KCNH8: variants seen among roughly 807,000 people sequenced by gnomAD.
The protein encoded by KCNH8 is voltage-gated delayed rectifier potassium channel KCNH8.
In KCNH8, 70 loss-of-function variants were observed where a neutral mutation model predicts 103.6. That is an observed-to-expected ratio of 0.68 (90% CI 0.56 to 0.82). KCNH8 has a LOEUF of 0.82. Ranked by LOEUF, KCNH8 falls within the 40% of genes least tolerant of loss-of-function variation. The pLI, the probability that KCNH8 is intolerant of heterozygous loss-of-function variation, is 0.00. For synonymous variants in KCNH8, 498 were observed against 489.4 expected (o/e 1.02, Z -0.23); for missense variants, 1,217 against 1,329.9 (o/e 0.92, Z 1.32).
At chr3:19,279,568 TAAAAA>T (rs55996488) in intron 2 of KCNH8, among the ~76,000 whole-genome samples, 1 of 142,504 alleles carries the variant, frequency 7.0e-6, no homozygotes. Context: ...GCCATAGGGC[TAAAAA>T]AAAAAAAAAA....
intron 3 of KCNH8, among the ~76,000 whole-genome samples, chr3:19,305,577 A>G (rs1278923697): frequency 6.6e-6 from 1 of 152,112 alleles, no homozygotes; most frequent in East Asian, 1.9e-4. Context: ...GATGTATCAA[A>G]ACCTATTGAG....
At chr3:19,498,249 CATTT>C (rs2068488359) in intron 11 of KCNH8, among the ~76,000 whole-genome samples, 1 of 152,148 alleles carries the variant, frequency 6.6e-6, no homozygotes, top group Admixed American at 6.5e-5. Flanking sequence ...TCCAAGTTAA[CATTT>C]ATATGTGTGG....
At position 19,529,041 on chromosome 3, in the gene KCNH8, G is replaced by T. The variant is rs368594970; in HGVS notation, c.2620-4354G>T. On this transcript the variant is annotated intron_variant, in intron 15 of 15. Coordinates refer to ENST00000328405, the MANE Select transcript of KCNH8 (RefSeq NM_144633.3). ...AGAGAAGGGCAGAGGAGAAGAGCCC[G>T]CAGTCAGAAGGAATAGCATGCACCA... is the stretch of plus-strand genomic sequence containing the variant. 1.5e-4 allele frequency among the ~76,000 whole-genome samples: 23 copies of T among 152,220 alleles called. No individual in the cohort carries two copies. In the East Asian group the frequency reaches 3.7e-3, roughly 24 times the overall value.
chr3:19,424,299 TA>T (rs2066993717), intron 7 of KCNH8, among the ~76,000 whole-genome samples: 1 of 151,796 alleles, frequency 6.6e-6, no homozygotes, highest in Non-Finnish European at 1.5e-5. Flanking sequence ...ATCCCAGAAA[TA>T]AACCCAAATA....
chr3:19,239,309 C>T (rs940426300), intron 1 of KCNH8, among the ~76,000 whole-genome samples: 4 of 152,124 alleles, frequency 2.6e-5, no homozygotes, highest in Non-Finnish European at 5.9e-5. Context: ...CTAGTACAGT[C>T]CTGGACACCA....
chr3:19,475,225 G>C (rs552434043), intron 11 of KCNH8, among the ~76,000 whole-genome samples: 2 of 152,186 alleles, frequency 1.3e-5, no homozygotes, highest in Admixed American at 6.5e-5. Flanking sequence ...TTAAGGGAGA[G>C]AAAAGCTTGT....
chr3:19,411,325 AC>A (rs2066775530), intron 7 of KCNH8, among the ~76,000 whole-genome samples: 1 of 152,146 alleles, frequency 6.6e-6, no homozygotes, highest in African/African-American at 2.4e-5. Flanking sequence ...TCCTTTTGTT[AC>A]AAAAACTCTG....
chr3:19,471,630 G>A (rs1180608501), intron 11 of KCNH8, among the ~76,000 whole-genome samples: 2 of 152,180 alleles, frequency 1.3e-5, no homozygotes, highest in Non-Finnish European at 2.9e-5. Context: ...AGTTGTATAA[G>A]TTTATGCTCT....
intron 1 of KCNH8, among the ~76,000 whole-genome samples, chr3:19,181,014 A>G (rs540173103): frequency 6.6e-6 from 1 of 152,164 alleles, no homozygotes; most frequent in African/African-American, 2.4e-5. Flanking sequence ...AGATGGCCTG[A>G]ATATTATCAT....
At chr3:19,197,121 A>T (rs1575429024) in intron 1 of KCNH8, among the ~76,000 whole-genome samples, 1 of 152,020 alleles carries the variant, frequency 6.6e-6, no homozygotes, top group African/African-American at 2.4e-5. Context: ...CTACTGAAAG[A>T]TTATTATTCT....
intron 3 of KCNH8, among the ~76,000 whole-genome samples, chr3:19,300,771 C>G (rs1031959236): frequency 2.0e-5 from 3 of 151,650 alleles, no homozygotes; most frequent in Non-Finnish European, 2.9e-5. Flanking sequence ...ATGTTATATC[C>G]AACCACATTT....
chr3:19,498,899 CA>C (rs774609700), intron 11 of KCNH8, among the ~76,000 whole-genome samples: 44 of 152,186 alleles, frequency 2.9e-4, no homozygotes, highest in Non-Finnish European at 5.7e-4. Context: ...GCTTGGGGGT[CA>C]GGGGTCAGGG....
intron 1 of KCNH8, among the ~76,000 whole-genome samples, chr3:19,178,781 A>C (rs2063424214): frequency 6.6e-6 from 1 of 152,168 alleles, no homozygotes; most frequent in Non-Finnish European, 1.5e-5. Context: ...TTAGACTTTA[A>C]TAAATAGATA....
chr3:19,366,312 T>G (rs1003504906), intron 5 of KCNH8, among the ~76,000 whole-genome samples: 1 of 152,102 alleles, frequency 6.6e-6, no homozygotes, highest in Non-Finnish European at 1.5e-5. Context: ...GTCTGATGGA[T>G]TCAAAACTTA....
At chr3:19,417,651 A>G (rs1296378709) in intron 7 of KCNH8, among the ~76,000 whole-genome samples, 1 of 152,128 alleles carries the variant, frequency 6.6e-6, no homozygotes, top group Non-Finnish European at 1.5e-5. Flanking sequence ...AGATCATAAA[A>G]TATGCTTAAT....
At chr3:19,204,335 C>T (rs1431867427) in intron 1 of KCNH8, among the ~76,000 whole-genome samples, 1 of 151,958 alleles carries the variant, frequency 6.6e-6, no homozygotes, top group Non-Finnish European at 1.5e-5. Context: ...TGGATAAGAA[C>T]CCCTACACAG....
intron 7 of KCNH8, among the ~76,000 whole-genome samples, chr3:19,437,423 T>C (rs1309443025): frequency 6.6e-6 from 1 of 152,212 alleles, no homozygotes; most frequent in African/African-American, 2.4e-5. Context: ...TAATATACAA[T>C]TAACTATACA....
chr3:19,375,597 C>G (rs974975376), intron 5 of KCNH8, among the ~76,000 whole-genome samples: 18 of 152,074 alleles, frequency 1.2e-4, no homozygotes, highest in African/African-American at 4.3e-4. Context: ...AAGCCTTCTT[C>G]TCTCAGCTCG....
chr3:19,522,964 A>G (rs1455240311), intron 15 of KCNH8, among the ~76,000 whole-genome samples: 2 of 151,858 alleles, frequency 1.3e-5, no homozygotes, highest in African/African-American at 2.4e-5. Flanking sequence ...ATATATATGT[A>G]TATGTGTGAT....
Sources: gnomAD v4.1 joint callset for allele counts (sites outside exome capture counted in the v4.1 genomes callset) on GRCh38, gnomAD v4.1.1 for gene constraint, MANE v1.5 for transcripts, NCBI Gene and HGNC (gene_info 2026-07-23, HGNC 2026-07-21) for gene names.